The following ERBB4 variants were observed in gnomAD, a reference collection of about 807,000 sequenced individuals.
The protein encoded by ERBB4 is receptor tyrosine-protein kinase erbB-4.
Under a neutral mutation model 158.0 loss-of-function variants are expected in ERBB4, and 42 were observed. The observed-to-expected ratio is 0.27, with a 90% CI of 0.21 to 0.34. The LOEUF (loss-of-function observed/expected upper bound fraction) is 0.34, where lower values mean the gene tolerates loss of function less well. Ranked by LOEUF, ERBB4 falls within the 10% of genes least tolerant of loss-of-function variation. ERBB4 has a pLI of 1.00. For synonymous variants in ERBB4, 583 were observed against 558.7 expected, an observed-to-expected ratio of 1.04 and a Z score of -0.61; for missense variants, 1,333 against 1,624.1, an observed-to-expected ratio of 0.82 and a Z score of 3.08.
At chr2:212,115,857 C>T (rs2079556670) in intron 2 of ERBB4, among the ~76,000 whole-genome samples, 1 of 151,992 alleles carries the variant, frequency 6.6e-6, no homozygotes, top group South Asian at 2.1e-4. Flanking sequence ...TCATTATATG[C>T]ACATTTTGAA....
chr2:212,012,531 C>T (rs2125309079), intron 2 of ERBB4, among the ~76,000 whole-genome samples: 1 of 151,900 alleles, frequency 6.6e-6, no homozygotes, highest in East Asian at 2.0e-4. Flanking sequence ...TTCTCCGCCT[C>T]AGCCACCTGA....
At chr2:211,881,144 A>G (rs2078649855) in intron 3 of ERBB4, among the ~76,000 whole-genome samples, 1 of 151,480 alleles carries the variant, frequency 6.6e-6, no homozygotes, top group Non-Finnish European at 1.5e-5. Context: ...GAAACATGGC[A>G]TTACCGTTAC....
At chr2:212,339,785 AT>A (rs1433349543) in intron 1 of ERBB4, among the ~76,000 whole-genome samples, 1 of 152,152 alleles carries the variant, frequency 6.6e-6, no homozygotes, top group African/African-American at 2.4e-5. Context: ...CACATTAAAA[AT>A]ATGCTTTTTT....
Position 211,562,589 on chromosome 2 carries a change from T to C in ERBB4, c.2302-501A>G, listed in dbSNP as rs115029359. 7.2e-3 allele frequency among the ~76,000 whole-genome samples: 1,095 copies of C among 152,236 alleles called. 14 individuals carry two copies. Among genetic ancestry groups the C allele is most frequent in the African/African-American group, 0.025 (1,052 of 41,528 alleles). ...TAAATCGTAAATATGGAAATGTAGA[T>C]AATTACAAGTAATATGTCTATTGTC... On this transcript the variant is annotated intron_variant, in intron 19 of 27. Transcript: ENST00000342788.
chr2:212,279,060 T>C (rs954329269), intron 1 of ERBB4, among the ~76,000 whole-genome samples: 1 of 151,574 alleles, frequency 6.6e-6, no homozygotes, highest in African/African-American at 2.4e-5. Context: ...ATCTCTCTCT[T>C]TTACTGTAAA....
At chr2:211,764,442 A>G (rs879827226) in intron 4 of ERBB4, among the ~76,000 whole-genome samples, 14 of 152,218 alleles carry the variant, frequency 9.2e-5, no homozygotes, top group Non-Finnish European at 2.1e-4. Flanking sequence ...ATCACAATGA[A>G]AGCCCTCGTT....
At chr2:212,436,246 T>A (rs1486062072) in intron 1 of ERBB4, among the ~76,000 whole-genome samples, 1 of 152,000 alleles carries the variant, frequency 6.6e-6, no homozygotes, top group African/African-American at 2.4e-5. Context: ...AAAACTGAAC[T>A]GAATCAATTC....
At chr2:212,376,281 C>G (rs1231075502) in intron 1 of ERBB4, among the ~76,000 whole-genome samples, 1 of 152,034 alleles carries the variant, frequency 6.6e-6, no homozygotes. Flanking sequence ...AAAGCACATT[C>G]AATGCAATGG....
rs2076089387 is a variant in ERBB4, at chr2:212,000,958, G to A, written c.235-53342C>T. ...ACATTTAAGAAAGAGAGAACATTTT[G>A]ACATCTCTCATTTTTATATTTTATA... On this transcript the variant is annotated intron_variant, in intron 2 of 27. Transcript: ENST00000342788. Among the ~76,000 whole-genome samples, 4 of 151,880 alleles carry A rather than the reference G, an allele frequency of 2.6e-5. No individual in the cohort carries two copies. The South Asian group carries it at 8.3e-4, about 32-fold the overall frequency.
At chr2:212,433,202 A>G (rs528235436) in intron 1 of ERBB4, among the ~76,000 whole-genome samples, 1 of 152,186 alleles carries the variant, frequency 6.6e-6, no homozygotes, top group East Asian at 1.9e-4. Context: ...TCATAGGATA[A>G]TTAATATTTT....
In ERBB4 at chr2:212,114,617, T is replaced by A. The variant is rs186664205; in HGVS notation, c.234+10135A>T. Among the ~76,000 whole-genome samples, 52 of 152,366 alleles carry A rather than the reference T, an allele frequency of 3.4e-4. No homozygotes were observed. The East Asian group carries it at 9.8e-3, about 29-fold the overall frequency. The stretch of plus-strand genomic sequence containing the variant: ...CTCTGTGTTTGTCTTTCATGAATGC[T>A]TCCCAATGCTTCATTGATGCCTCAT... On this transcript the variant is annotated intron_variant, in intron 2 of 27. Coordinates refer to ENST00000342788, the MANE Select transcript of ERBB4 (RefSeq NM_005235.3).
chr2:211,497,806 A>G (rs977462590), intron 20 of ERBB4, among the ~76,000 whole-genome samples: 1 of 152,152 alleles, frequency 6.6e-6, no homozygotes, highest in East Asian at 1.9e-4. Context: ...CTTGCTACCC[A>G]CACTGTATAA....
chr2:211,833,520 G>A (rs1287120122), intron 3 of ERBB4, among the ~76,000 whole-genome samples: 4 of 151,858 alleles, frequency 2.6e-5, no homozygotes, highest in Non-Finnish European at 5.9e-5. Flanking sequence ...ACAATGATTT[G>A]TTTAGACTCA....
In ERBB4 at chr2:211,657,800, T is replaced by G. The variant is rs1329519305; in HGVS notation, c.1900A>C (p.Ile634Leu). The change falls in exon 16 of 28, where the codon ATT becomes CTT. Residue 634 changes from isoleucine to leucine, a missense_variant. Around this residue, in one of 5 missense-constraint regions of ERBB4, gnomAD observed 245 missense variants for 247.5 expected, o/e 0.99. Transcript: ENST00000342788. ...GAATGGCCCGTCCATGGGTAGTAAATGCAGTCATGACTAGTGGGACCGTTA... is the reference window on the plus strand; with the variant it reads ...GAATGGCCCGTCCATGGGTAGTAAAGGCAGTCATGACTAGTGGGACCGTTA... ...GCNGPTSHDCIYYPWTGHSTL... is the reference protein window; with the variant it reads ...GCNGPTSHDCLYYPWTGHSTL... 1 of 1,614,014 alleles carries G rather than the reference T, an allele frequency of 6.2e-7. No individual in the cohort carries two copies.
At chr2:212,521,697 A>G (rs932272835) in intron 1 of ERBB4, among the ~76,000 whole-genome samples, 2 of 151,966 alleles carry the variant, frequency 1.3e-5, no homozygotes, top group African/African-American at 4.8e-5. Flanking sequence ...TGAGGTTAAC[A>G]TTAATATTCA....
At chr2:212,114,104 G>A (rs1164177664) in intron 2 of ERBB4, among the ~76,000 whole-genome samples, 1 of 152,176 alleles carries the variant, frequency 6.6e-6, no homozygotes, top group Non-Finnish European at 1.5e-5. Context: ...CATGGGCTTT[G>A]TCTGGTACTT....
chr2:211,722,749 G>C (rs1321535726), intron 6 of ERBB4, among the ~76,000 whole-genome samples: 1 of 152,158 alleles, frequency 6.6e-6, no homozygotes, highest in Non-Finnish European at 1.5e-5. Flanking sequence ...TGCTCAAAGT[G>C]CTTAGCCTGT....
chr2:211,488,233 C>G (rs7585464), intron 20 of ERBB4, among the ~76,000 whole-genome samples: 6,728 of 152,188 alleles, frequency 0.044, 506 homozygotes, highest in African/African-American at 0.15. Flanking sequence ...ATCTGAGCTA[C>G]ACAGAAACTA....
At chr2:211,571,038 CTTCTTTTTTT>C (rs1038315047) in intron 19 of ERBB4, among the ~76,000 whole-genome samples, 5 of 58,736 alleles carry the variant, frequency 8.5e-5, no homozygotes, top group Non-Finnish European at 1.2e-4. Context: ...GAGTACTCTT[CTTCTTTTTTT>C]TTTTTTTTTT....
Sources: gnomAD v4.1 joint callset for allele counts (sites outside exome capture counted in the v4.1 genomes callset) on GRCh38, gnomAD v4.1.1 for gene constraint, gnomAD v4.1.1 regional missense constraint, MANE v1.5 for transcripts, NCBI Gene and HGNC (gene_info 2026-07-23, HGNC 2026-07-21) for gene names.